The following JADE3 variants were observed in gnomAD, a reference collection of about 807,000 sequenced individuals.
JADE3 encodes jade family PHD finger 3.
JADE3 carries 2 observed loss-of-function variants against 50.1 expected under a neutral mutation model. The ratio of observed to expected loss-of-function variants is 0.04; its 90% CI spans 0.02 to 0.13. The LOEUF (loss-of-function observed/expected upper bound fraction) is 0.13. Among genes scored for constraint, JADE3 ranks in the 10% least tolerant of loss-of-function variants. The pLI, the probability that JADE3 is intolerant of heterozygous loss-of-function variation, is 1.00. For missense variants in JADE3, 475 were observed against 634.4 expected, an observed-to-expected ratio of 0.75 and a Z score of 2.70; for synonymous variants, 218 against 232.9, an observed-to-expected ratio of 0.94 and a Z score of 0.58.
At chrX:47,058,089 T>A in intron 10 of JADE3, 78 bp from the exon 11 acceptor site, 1 of 830,398 alleles carries the variant, frequency 1.2e-6, no homozygotes, top group Non-Finnish European at 1.7e-6. Context: ...AGAGTAGGTA[T>A]GTGAACTCAC....
At chrX:46,920,576 C>T (rs782210593) in intron 1 of JADE3, among the ~76,000 whole-genome samples, 1 of 112,475 alleles carries the variant, frequency 8.9e-6, no homozygotes, top group East Asian at 2.8e-4. Flanking sequence ...GGGGTAAATA[C>T]GTAGGAATGG....
At chrX:47,028,260 T>G (rs782606402) in intron 6 of JADE3, among the ~76,000 whole-genome samples, 157 bp downstream of exon 6, 3 of 110,978 alleles carry the variant, frequency 2.7e-5, no homozygotes, top group Non-Finnish European at 5.7e-5. Context: ...AAACAATGCT[T>G]CTTATGACCC....
intron 3 of JADE3, among the ~76,000 whole-genome samples, chrX:46,997,062 C>CTAT (rs1489559434): frequency 1.8e-5 from 2 of 111,992 alleles, no homozygotes; most frequent in Non-Finnish European, 3.8e-5. Context: ...TTTATAAAGA[C>CTAT]TATCACTTGG....
chrX:47,033,699 G>A lies in JADE3; in HGVS notation c.766G>A (p.Val256Met). The A allele has an allele frequency of 3.3e-6, 4 of 1,206,742 alleles. No homozygotes were observed. Among genetic ancestry groups the A allele is most frequent in the Non-Finnish European group, 4.5e-6 (4 of 892,998 alleles). Residue 256 changes from valine (V) to methionine (M), a missense_variant, in exon 7 of 11, where the codon GTG (valine) becomes ATG (methionine). Physicochemically the swap from Val to Met is conservative, Grantham distance 21. Coordinates refer to ENST00000614628, the MANE Select transcript of JADE3 (RefSeq NM_014735.5). ...TGTCCTGGGCATTTATCCGCAATGT[G>A]TGTTATGTCCAAAGAAAGGTGGAGC... The part of the protein sequence containing the change: ...SCVLGIYPQC[V>M]LCPKKGGALK...
At chrX:47,021,691 A>G (rs1262429871) in intron 4 of JADE3, among the ~76,000 whole-genome samples, 2 of 112,614 alleles carry the variant, frequency 1.8e-5, no homozygotes, top group Non-Finnish European at 3.8e-5. Context: ...GTGATAACTA[A>G]TGAGGTTGAG....
intron 8 of JADE3, among the ~76,000 whole-genome samples, chrX:47,052,086 C>G (rs148209900): frequency 8.6e-4 from 95 of 109,997 alleles, no homozygotes; most frequent in African/African-American, 3.1e-3. Flanking sequence ...AGAGTGAGAC[C>G]CAGTCTCAAT....
chrX:46,939,631 G>A (rs1926709382), intron 1 of JADE3, among the ~76,000 whole-genome samples: 1 of 111,914 alleles, frequency 8.9e-6, no homozygotes, highest in Non-Finnish European at 1.9e-5. Context: ...ATGTATTGCT[G>A]TGTACTTACA....
intron 1 of JADE3, among the ~76,000 whole-genome samples, chrX:46,933,571 G>T (rs1038744059): frequency 9.0e-6 from 1 of 111,630 alleles, no homozygotes; most frequent in African/African-American, 3.3e-5. Flanking sequence ...AGTAATCCAG[G>T]TGTGATTCCC....
chrX:47,031,638 G>A (rs964499595), intron 6 of JADE3, among the ~76,000 whole-genome samples: 1 of 111,714 alleles, frequency 9.0e-6, no homozygotes, highest in African/African-American at 3.3e-5. Context: ...CACTTTGGGA[G>A]ACCAAAGTGT....
chrX:46,987,426 C>G lies in JADE3; in HGVS notation c.126+1634C>G, dbSNP rs6611318. ...GACATCCCATCATGTTTGCCATATT[C>G]TGTTGTTTAGAAGCAAGTCACAGGT... On this transcript the variant is annotated intron_variant, in intron 3 of 10. Transcript: ENST00000614628. Among the ~76,000 whole-genome samples, 7 of 111,888 alleles carry G rather than the reference C, an allele frequency of 6.3e-5. No homozygotes were observed. The East Asian group carries it at 2.0e-3, about 32-fold the overall frequency.
At position 47,056,132 on chromosome X, in the gene JADE3, A is replaced by G; in HGVS notation, c.1494A>G (p.Ser498=). 1.7e-6 allele frequency: 2 copies of G among 1,209,113 alleles called. No homozygotes were observed. The highest frequency in any genetic ancestry group is 3.5e-5 in the South Asian group (2 of 56,714). ...GCAGACGAGAGAAGCTGAAGCTGTC[A>G]CACAACAAAATACAGGAACAGATCT... ...MISRREKLKL[S]HNKIQEQIFG... is the part of the protein sequence containing the mutation. Residue 498 remains serine, a synonymous_variant, in exon 10 of 11, where the codon TCA becomes TCG. Transcript: ENST00000614628.
chrX:47,039,170 C>A (rs919818236), intron 8 of JADE3, 105 bp downstream of exon 8: 6 of 455,489 alleles, frequency 1.3e-5, no homozygotes, highest in African/African-American at 7.3e-5. Context: ...AGGAGATCGC[C>A]CACCCACTCT....
chrX:47,047,699 GAA>G (rs1173292524), intron 8 of JADE3, among the ~76,000 whole-genome samples: 1 of 111,662 alleles, frequency 9.0e-6, no homozygotes, highest in African/African-American at 3.3e-5. Flanking sequence ...CAGCTGCTGT[GAA>G]AAAAGTTTGG....
At chrX:47,026,428 T>A (rs985250723) in intron 5 of JADE3, among the ~76,000 whole-genome samples, 2 of 111,870 alleles carry the variant, frequency 1.8e-5, no homozygotes, top group Non-Finnish European at 3.8e-5. Flanking sequence ...ATGGTACATA[T>A]GTCAAAACTA....
chrX:46,993,195 C>G (rs184614872), intron 3 of JADE3, among the ~76,000 whole-genome samples: 32 of 111,996 alleles, frequency 2.9e-4, no homozygotes, highest in Non-Finnish European at 4.3e-4. Flanking sequence ...AAAACATTGA[C>G]TGCATATCAT....
intron 1 of JADE3, among the ~76,000 whole-genome samples, chrX:46,938,605 A>G (rs184414381): frequency 8.9e-6 from 1 of 112,434 alleles, no homozygotes; most frequent in African/African-American, 3.2e-5. Context: ...TATTTATCCA[A>G]ATATTCACCA....
chrX:46,944,988 C>T (rs951677883), intron 1 of JADE3, among the ~76,000 whole-genome samples: 12 of 107,058 alleles, frequency 1.1e-4, no homozygotes, highest in Admixed American at 3.0e-4. Context: ...AGACTACAGG[C>T]GCACACCACC....
At chrX:46,919,243 C>T (rs1926169028) in intron 1 of JADE3, among the ~76,000 whole-genome samples, 1 of 111,492 alleles carries the variant, frequency 9.0e-6, no homozygotes, top group African/African-American at 3.3e-5. Context: ...TCAAAGGAGT[C>T]TCTAGATTTC....
At chrX:46,925,019 C>T (rs781940083) in intron 1 of JADE3, among the ~76,000 whole-genome samples, 26 of 111,806 alleles carry the variant, frequency 2.3e-4, no homozygotes, top group Non-Finnish European at 4.7e-4. Flanking sequence ...GTGGAATAAC[C>T]AAGGGGTCCC....
Sources: gnomAD v4.1 joint callset for allele counts (sites outside exome capture counted in the v4.1 genomes callset) on GRCh38, gnomAD v4.1.1 for gene constraint, MANE v1.5 for transcripts, NCBI Gene and HGNC (gene_info 2026-07-23, HGNC 2026-07-21) for gene names.